Variants in CSMD1 observed in about 807,000 individuals in gnomAD.
CSMD1 encodes CUB and Sushi multiple domains 1.
A neutral mutation model predicts 417.5 loss-of-function variants in CSMD1; 213 were observed. The ratio of observed to expected loss-of-function variants is 0.51; its 90% confidence interval spans 0.46 to 0.57. The LOEUF (loss-of-function observed/expected upper bound fraction) is 0.57, where lower values mean the gene tolerates loss of function less well. CSMD1 is among the 20% of genes least tolerant of loss of function. The pLI, the probability that CSMD1 is intolerant of heterozygous loss-of-function variation, is 0.00. For synonymous variants in CSMD1, 2,862 were observed against 1,736.8 expected (o/e 1.65, Z -16.11); for missense variants, 6,923 against 4,529.7 (o/e 1.53, Z -15.17).
intron 2 of CSMD1, among the ~76,000 whole-genome samples, chr8:4,445,884 G>C (rs895336405): frequency 6.6e-6 from 1 of 152,192 alleles, no homozygotes; most frequent in Non-Finnish European, 1.5e-5. Flanking sequence ...AAGGGCACAA[G>C]AGGAGAGAGC....
intron 3 of CSMD1, among the ~76,000 whole-genome samples, chr8:4,220,887 G>A (rs1053118949): frequency 6.6e-6 from 1 of 152,190 alleles, no homozygotes; most frequent in South Asian, 2.1e-4. Flanking sequence ...ATTTGGGACT[G>A]GATGTGGGAG....
At chr8:4,144,229 C>T (rs1350107949) in intron 3 of CSMD1, among the ~76,000 whole-genome samples, 3 of 150,976 alleles carry the variant, frequency 2.0e-5, no homozygotes, top group South Asian at 4.1e-4. Context: ...CTTGATTCAG[C>T]ACAAACTGGC....
intron 2 of CSMD1, among the ~76,000 whole-genome samples, chr8:4,425,907 G>C (rs539294621): frequency 3.2e-4 from 49 of 151,838 alleles, no homozygotes; most frequent in Non-Finnish European, 5.4e-4. Flanking sequence ...ACTCCCTATC[G>C]TAATTTTTTA....
chr8:3,903,870 A>C (rs1357871826), intron 5 of CSMD1, among the ~76,000 whole-genome samples: 2 of 150,726 alleles, frequency 1.3e-5, no homozygotes, highest in Non-Finnish European at 2.9e-5. Flanking sequence ...AGTCATTGCC[A>C]TATATATATA....
chr8:4,049,734 A>T (rs1022236141), intron 3 of CSMD1, among the ~76,000 whole-genome samples: 1 of 152,142 alleles, frequency 6.6e-6, no homozygotes, highest in Admixed American at 6.5e-5. Context: ...ATTTGTTTTA[A>T]AGTTTAAAAA....
Position 3,150,567 on chromosome 8 carries a change from T to C in CSMD1, c.6031+830A>G, listed in dbSNP as rs550218512. 5.3e-4 allele frequency among the ~76,000 whole-genome samples: 80 copies of C among 152,336 alleles called. 1 individual carries two copies. In the South Asian group the frequency reaches 0.013, roughly 25 times the overall value. On this transcript the variant is annotated intron_variant, in intron 40 of 69. Coordinates refer to ENST00000635120, the MANE Select transcript of CSMD1 (RefSeq NM_033225.6). ...TCTTCTTCCAGGGCAGTTATTTCTA[T>C]TTATGGTTGTATTCATTCATTCATT... is the stretch of plus-strand genomic sequence containing the variant.
chr8:3,503,410 G>C (rs562919741), intron 10 of CSMD1, among the ~76,000 whole-genome samples: 35 of 152,332 alleles, frequency 2.3e-4, no homozygotes, highest in African/African-American at 8.4e-4. Context: ...AGTGATTCAG[G>C]GTGGGAAATA....
At chr8:3,912,975 G>T (rs1340934774) in intron 5 of CSMD1, among the ~76,000 whole-genome samples, 2 of 152,154 alleles carry the variant, frequency 1.3e-5, no homozygotes, top group East Asian at 3.9e-4. Context: ...AACCAAATGT[G>T]AGGAAGACAC....
intron 25 of CSMD1, among the ~76,000 whole-genome samples, chr8:3,294,765 C>T (rs1007510285): frequency 3.9e-5 from 6 of 152,184 alleles, no homozygotes; most frequent in Non-Finnish European, 8.8e-5. Context: ...TGACCCCTTG[C>T]ACTTCCTGGG....
intron 28 of CSMD1, among the ~76,000 whole-genome samples, chr8:3,220,366 A>T (rs1798131223): frequency 6.6e-6 from 1 of 152,090 alleles, no homozygotes; most frequent in South Asian, 2.1e-4. Context: ...AGAGTGTAAC[A>T]ATTTAAATTC....
chr8:4,248,015 A>C (rs1044341328), intron 3 of CSMD1, among the ~76,000 whole-genome samples: 1 of 152,194 alleles, frequency 6.6e-6, no homozygotes, highest in African/African-American at 2.4e-5. Context: ...ATAATTGTAT[A>C]TAGATTTTTC....
In CSMD1 at chr8:3,104,673, A is replaced by G. The variant is rs114864954; in HGVS notation, c.6949+1855T>C. ...TGGAATCCTGCCTCATTCCAGAATG[A>G]GAATGCACAAAGTTATCAGACTTTT... On this transcript the variant is annotated intron_variant, in intron 46 of 69. Transcript: ENST00000635120. 9.0e-3 allele frequency among the ~76,000 whole-genome samples: 1,369 copies of G among 151,762 alleles called. 23 individuals carry two copies. Among genetic ancestry groups the G allele is most frequent in the African/African-American group, 0.032 (1,305 of 41,364 alleles).
At chr8:4,881,678 T>C (rs1003198364) in intron 1 of CSMD1, among the ~76,000 whole-genome samples, 21 of 152,126 alleles carry the variant, frequency 1.4e-4, no homozygotes, top group African/African-American at 5.1e-4. Flanking sequence ...GTCTTTAAGG[T>C]ATTCTGCAAC....
At chr8:4,943,288 G>A (rs1038516933) in intron 1 of CSMD1, among the ~76,000 whole-genome samples, 2 of 152,092 alleles carry the variant, frequency 1.3e-5, no homozygotes, top group African/African-American at 4.8e-5. Context: ...GAGGTCAGGA[G>A]ATCAAGATCG....
chr8:4,206,971 G>T (rs1308893019), intron 3 of CSMD1, among the ~76,000 whole-genome samples: 3 of 152,180 alleles, frequency 2.0e-5, no homozygotes, highest in South Asian at 2.1e-4. Context: ...TATAGATGTG[G>T]ATAAAATTAT....
intron 7 of CSMD1, among the ~76,000 whole-genome samples, chr8:3,688,326 C>G (rs936102563): frequency 3.3e-5 from 5 of 152,174 alleles, no homozygotes; most frequent in Admixed American, 2.0e-4. Flanking sequence ...TGTGCTAAGC[C>G]TTACAAATGC....
intron 2 of CSMD1, among the ~76,000 whole-genome samples, chr8:4,426,643 TG>T (rs1257357912): frequency 1.4e-5 from 2 of 147,254 alleles, no homozygotes; most frequent in African/African-American, 4.9e-5. Flanking sequence ...AGTAATATTT[TG>T]TTATTCATAT....
At chr8:3,253,610 T>C (rs896087855) in intron 26 of CSMD1, among the ~76,000 whole-genome samples, 4 of 152,240 alleles carry the variant, frequency 2.6e-5, no homozygotes, top group African/African-American at 9.6e-5. Flanking sequence ...CATTGATCTG[T>C]CTAAAGTTGA....
chr8:4,972,955 C>A (rs529919015), intron 1 of CSMD1, among the ~76,000 whole-genome samples: 27 of 152,190 alleles, frequency 1.8e-4, no homozygotes, highest in African/African-American at 6.0e-4. Flanking sequence ...GCATAGCCGT[C>A]ATTTTAAAAA....
Sources: allele counts gnomAD v4.1 joint callset (sites outside exome capture counted in the v4.1 genomes callset), GRCh38; gene constraint gnomAD v4.1.1; transcripts MANE v1.5; gene names NCBI Gene and HGNC (gene_info 2026-07-23, HGNC 2026-07-21).